The following RUNDC3A variants were observed in gnomAD, a reference collection of about 807,000 sequenced individuals.
The protein encoded by RUNDC3A is RUN domain-containing protein 3A.
Under a neutral mutation model 53.9 loss-of-function variants are expected in RUNDC3A, and 28 were observed. The observed-to-expected ratio is 0.52, with a 90% CI of 0.38 to 0.71. The LOEUF is 0.71. RUNDC3A is among the 30% of genes least tolerant of loss of function. The pLI is 0.00. For synonymous variants in RUNDC3A, 232 were observed against 249.4 expected (o/e 0.93, Z 0.66); for missense variants, 491 against 597.3 (o/e 0.82, Z 1.85).
intron 4 of RUNDC3A, chr17:44,314,340 C>T (rs2047810157): frequency 9.7e-7 from 1 of 1,036,186 alleles, no homozygotes. Context: ...CTCCCCATCC[C>T]AATTGGCCAT....
Position 44,315,101 on chromosome 17 carries a change from AG to A in RUNDC3A, c.630-53del. On this transcript the variant is annotated intron_variant, in intron 6 of 10. Coordinates refer to ENST00000426726, the MANE Select transcript of RUNDC3A (RefSeq NM_001144825.2). This position sits in a 1 kb window ranked among gnomAD's most constrained non-coding sequence, Gnocchi z 6.1. ...TCCCACCGCCCTCAGCGGCCAGCGC[AG>A]ACGCGCGGGGGGAGGGGCGGGACCG... 1 of 1,603,808 alleles carries A rather than the reference AG, an allele frequency of 6.2e-7. No individual in the cohort carries two copies. The highest frequency in any genetic ancestry group is 1.1e-5 in the South Asian group (1 of 90,496).
At chr17:44,313,992 C>A in intron 4 of RUNDC3A, 1 of 992,336 alleles carries the variant, frequency 1.0e-6, no homozygotes, top group Non-Finnish European at 1.2e-6. Flanking sequence ...TTTACCACCA[C>A]CACCACCACC....
At chr17:44,313,678 CTTTTTT>C in intron 4 of RUNDC3A, 175 bp downstream of exon 4, 53 of 1,082,126 alleles carry the variant, frequency 4.9e-5, no homozygotes, top group South Asian at 1.2e-4. Flanking sequence ...AGGACGAACT[CTTTTTT>C]TTTTTTTTTT....
chr17:44,312,737 C>T (rs764456019), intron 2 of RUNDC3A, 42 bp downstream of exon 2: 1 of 1,006,178 alleles, frequency 9.9e-7, no homozygotes, highest in African/African-American at 1.7e-5. Flanking sequence ...TCCCCCAGCG[C>T]CCCTCCCCCA....
chr17:44,316,578 G>A, intron 9 of RUNDC3A, 41 bp from the exon 10 acceptor site: 1 of 1,575,412 alleles, frequency 6.3e-7, no homozygotes, highest in Non-Finnish European at 8.6e-7. Flanking sequence ...TGGGGAAGAA[G>A]GGCTTCCTCT....
intron 1 of RUNDC3A, among the ~76,000 whole-genome samples, chr17:44,309,520 G>C (rs1482687578): frequency 6.6e-6 from 1 of 152,114 alleles, no homozygotes; most frequent in Non-Finnish European, 1.5e-5. Flanking sequence ...AGATCGGGAG[G>C]ACAGGGCCAC....
At position 44,315,704 on chromosome 17, in the gene RUNDC3A, C is replaced by A; in HGVS notation, c.953+95C>A. On this transcript the variant is annotated intron_variant, in intron 8 of 10. Coordinates refer to ENST00000426726, the MANE Select transcript of RUNDC3A (RefSeq NM_001144825.2). The surrounding 1 kb of genome is among the most constrained non-coding windows in gnomAD (Gnocchi z 6.1). ...TCACTTCCATCGACTCTAACATCAC[C>A]CGACACGAGCACCCACCTCTCCAGC... The A allele has an allele frequency of 8.6e-7, 1 of 1,157,474 alleles. No individual in the cohort carries two copies. The highest frequency in any genetic ancestry group is 1.1e-6 in the Non-Finnish European group (1 of 884,678). 71.7% of individuals were successfully genotyped at this position (1,157,474 alleles called of 1,614,324 possible).
At position 44,315,365 on chromosome 17, in the gene RUNDC3A, G is replaced by A. The variant is rs1300574253; in HGVS notation, c.795+45G>A. The A allele has an allele frequency of 1.5e-6, 2 of 1,303,988 alleles. No individual in the cohort carries two copies. Among genetic ancestry groups the A allele is most frequent in the Non-Finnish European group, 2.0e-6 (2 of 1,022,232 alleles). The allele number at this position is 1,303,988 out of a possible 1,614,324, so 80.8% of individuals were successfully genotyped here. ...CCGGGGGGCGGGCGGGCCGGGCGGG[G>A]GATCCGGGCATCCCGGGGCGGGGCG... On this transcript the variant is annotated intron_variant, in intron 7 of 10. Transcript: ENST00000426726. The surrounding 1 kb of genome is among the most constrained non-coding windows in gnomAD (Gnocchi z 6.1).
chr17:44,314,800 T>C lies in RUNDC3A; in HGVS notation c.524T>C (p.Ile175Thr). 6.2e-7 allele frequency: 1 copy of C among 1,613,382 alleles called. No individual in the cohort carries two copies. Among genetic ancestry groups the C allele is most frequent in the Non-Finnish European group, 8.5e-7 (1 of 1,179,774 alleles). The change falls in exon 5 of 11, where the codon ATC (isoleucine) becomes ACC (threonine). Residue 175 changes from isoleucine (I) to threonine (T), a missense_variant. Physicochemically the swap from Ile to Thr is moderately conservative, Grantham distance 89. Coordinates refer to ENST00000426726, the MANE Select transcript of RUNDC3A (RefSeq NM_001144825.2). ...GCCACCATCCTCACCGGAATGCTGA[T>C]CGGACTGAGCGCCATCGACTTCAGG... is the stretch of plus-strand genomic sequence containing the variant. ...DEATILTGMLIGLSAIDFSFC... is the reference protein window; with the variant it reads ...DEATILTGMLTGLSAIDFSFC...
rs1358570819 is a variant in RUNDC3A at position 44,308,888 on chromosome 17, C to G, written c.56C>G (p.Ala19Gly). Residue 19 changes from alanine to glycine, a missense_variant, in exon 1 of 11, where the codon GCG (alanine) becomes GGG (glycine). Around this residue, in one of 2 missense-constraint regions of RUNDC3A, gnomAD observed 273 missense variants for 389.0 expected, o/e 0.70. Coordinates refer to ENST00000426726, the MANE Select transcript of RUNDC3A (RefSeq NM_001144825.2). ...TMALGLSSKKASSRNVAVERK... is the reference protein window; with the variant it reads ...TMALGLSSKKGSSRNVAVERK... The stretch of plus-strand genomic sequence containing the variant: ...GCTCTGGGGCTGTCCTCCAAGAAAG[C>G]GTCCTCTCGCAACGTGGCTGTGGAG... 6 of 1,611,420 alleles carry G rather than the reference C, an allele frequency of 3.7e-6. No individual in the cohort carries two copies. The highest frequency in any genetic ancestry group is 5.1e-6 in the Non-Finnish European group (6 of 1,178,818).
intron 1 of RUNDC3A, among the ~76,000 whole-genome samples, chr17:44,309,679 C>T (rs1321825342): frequency 1.3e-5 from 2 of 152,122 alleles, no homozygotes. Flanking sequence ...GCTGCTCAGC[C>T]ACTCCCCCTG....
intron 4 of RUNDC3A, chr17:44,313,822 C>T (rs1020327416): frequency 1.3e-5 from 10 of 757,844 alleles, no homozygotes; most frequent in Non-Finnish European, 1.7e-5. Flanking sequence ...GCTGGGATTA[C>T]AGGCATACGC....
chr17:44,315,263 C>G lies in RUNDC3A; in HGVS notation c.738C>G (p.Ser246Arg). The change falls in exon 7 of 11, where the codon AGC (serine) becomes AGG (arginine). Residue 246 changes from serine to arginine, a missense_variant. By Grantham distance (110) the Ser-to-Arg change is moderately radical (BLOSUM62 -1). Coordinates refer to ENST00000426726, the MANE Select transcript of RUNDC3A (RefSeq NM_001144825.2). This position sits in a 1 kb window ranked among gnomAD's most constrained non-coding sequence, Gnocchi z 6.1. ...TCCCGCTCGTCACCGATGAGGACAG[C>G]TGGTACAGCAAGTGGCACAAGATGG... ...PYLPLVTDED[S>R]WYSKWHKMEQ... 6.5e-7 allele frequency: 1 copy of G among 1,550,272 alleles called. No individual in the cohort carries two copies. Among genetic ancestry groups the G allele is most frequent in the Admixed American group, 2.0e-5 (1 of 50,988 alleles).
intron 1 of RUNDC3A, chr17:44,310,830 A>C: frequency 2.0e-6 from 2 of 985,510 alleles, no homozygotes; most frequent in Non-Finnish European, 2.4e-6. Context: ...CCAGATGACC[A>C]GGGGAAATCA....
intron 10 of RUNDC3A, chr17:44,317,730 G>C (rs571662421): frequency 1.1e-5 from 7 of 616,324 alleles, no homozygotes; most frequent in Admixed American, 8.0e-5. Context: ...GATTGTCTGT[G>C]TGTCTGTCTC....
At position 44,315,138 on chromosome 17, in the gene RUNDC3A, C is replaced by T. The variant is rs780212466; in HGVS notation, c.630-17C>T. 1 of 1,583,658 alleles carries T rather than the reference C, an allele frequency of 6.3e-7. No homozygotes were observed. Among genetic ancestry groups the T allele is most frequent in the Non-Finnish European group, 8.6e-7 (1 of 1,164,434 alleles). ...GGAGGGGCGGGACCGGCCGTGCCCA[C>T]TGCTCCCTCTCCCAAGCTACGACTA... On this transcript the variant is annotated splice_polypyrimidine_tract_variant and intron_variant, in intron 6 of 10. Transcript: ENST00000426726. This position sits in a 1 kb window ranked among gnomAD's most constrained non-coding sequence, Gnocchi z 6.1.
intron 4 of RUNDC3A, chr17:44,313,888 T>C: frequency 2.3e-6 from 2 of 867,440 alleles, no homozygotes; most frequent in African/African-American, 3.6e-5. Flanking sequence ...CAGGCTGGTC[T>C]CAAACTCCCA....
Position 44,318,148 on chromosome 17 carries a change from T to C in RUNDC3A, c.1251T>C (p.Ile417=), listed in dbSNP as rs2047911582. ...GCCTCTGCGGCTCCCTGGCCTCCAT[T>C]CCCAGCTGCAAGTCCCTGGCGAGCT... The part of the protein sequence containing the change: ...MLGLCGSLAS[I]PSCKSLASFK... Residue 417 remains isoleucine (I), a synonymous_variant, in exon 11 of 11, where the codon ATT becomes ATC. Transcript: ENST00000426726. 1 of 1,551,420 alleles carries C rather than the reference T, an allele frequency of 6.4e-7. No homozygotes were observed. Among genetic ancestry groups the C allele is most frequent in the Non-Finnish European group, 8.7e-7 (1 of 1,146,944 alleles).
intron 1 of RUNDC3A, among the ~76,000 whole-genome samples, chr17:44,311,686 A>C (rs1032723124): frequency 5.3e-5 from 8 of 151,858 alleles, no homozygotes; most frequent in Non-Finnish European, 1.0e-4. Flanking sequence ...TCCCTGCCCT[A>C]CTCCATTGCA....
Sources: gnomAD v4.1 joint callset for allele counts (sites outside exome capture counted in the v4.1 genomes callset) on GRCh38, gnomAD v4.1.1 for gene constraint, gnomAD v4.1.1 regional missense constraint, Gnocchi (gnomAD v3.1) non-coding constraint, MANE v1.5 for transcripts, NCBI Gene and HGNC (gene_info 2026-07-23, HGNC 2026-07-21) for gene names.